USP47: variants seen among roughly 807,000 people sequenced by gnomAD.
The protein encoded by USP47 is ubiquitin specific peptidase 47.
USP47 carries 35 observed loss-of-function variants against 165.1 expected under a neutral mutation model. The ratio of observed to expected loss-of-function variants is 0.21; its 90% CI spans 0.16 to 0.28. USP47 has a LOEUF of 0.28. Ranked by LOEUF, USP47 falls within the 10% of genes least tolerant of loss-of-function variation. The pLI is 1.00. For synonymous variants in USP47, 531 were observed against 544.5 expected, an observed-to-expected ratio of 0.98 and a Z score of 0.35; for missense variants, 1,277 against 1,607.4, an observed-to-expected ratio of 0.79 and a Z score of 3.52.
At chr11:11,902,236 T>C (rs1852277237) in intron 5 of USP47, among the ~76,000 whole-genome samples, 3 of 152,338 alleles carry the variant, frequency 2.0e-5, no homozygotes, top group Non-Finnish European at 1.5e-5. Context: ...CTATTTAATT[T>C]GTTTATAATC....
intron 17 of USP47, among the ~76,000 whole-genome samples, chr11:11,936,942 T>G (rs564783796): frequency 6.6e-6 from 1 of 152,078 alleles, no homozygotes; most frequent in East Asian, 1.9e-4. Context: ...AGGTCTTCTT[T>G]GGAAGGGTGG....
chr11:11,893,754 C>T (rs1039987377), intron 4 of USP47, among the ~76,000 whole-genome samples: 2 of 152,118 alleles, frequency 1.3e-5, no homozygotes, highest in Admixed American at 1.3e-4. Context: ...CACTGTGTTG[C>T]CCAGGCTAGT....
chr11:11,907,203 A>G (rs936637223), intron 8 of USP47, among the ~76,000 whole-genome samples: 7 of 152,190 alleles, frequency 4.6e-5, no homozygotes, highest in Non-Finnish European at 1.0e-4. Context: ...GATGTGAACA[A>G]TATCACATTT....
At position 11,957,904 on chromosome 11, in the gene USP47, A is replaced by G. The variant is rs1349593717; in HGVS notation, c.*1729A>G. The stretch of plus-strand genomic sequence containing the variant: ...GGCTAATTTTTATTTGAAGAAAGCT[A>G]TAGCATTTAGCGAAATTTGACTGAA... On this transcript the variant is annotated 3_prime_UTR_variant, in exon 28 of 28. Coordinates refer to ENST00000527733, the MANE Select transcript of USP47 (RefSeq NM_001282659.2). 2.0e-5 allele frequency: 3 copies of G among 152,316 alleles called. No individual in the cohort carries two copies. The East Asian group carries it at 5.8e-4, about 29-fold the overall frequency. 9.4% of individuals were successfully genotyped at this position (152,316 alleles called of 1,614,324 possible). A position where few individuals can be genotyped will look rare whatever the true frequency, so the allele number is the denominator to read the frequency against.
chr11:11,891,993 G>C lies in USP47; in HGVS notation c.383G>C (p.Ser128Thr). 1 of 1,613,468 alleles carries C rather than the reference G, an allele frequency of 6.2e-7. No homozygotes were observed. The highest frequency in any genetic ancestry group is 8.5e-7 in the Non-Finnish European group (1 of 1,179,698). Residue 128 changes from serine to threonine, a missense_variant, in exon 4 of 28, where the codon AGT becomes ACT. By Grantham distance (58) the Ser-to-Thr change is moderately conservative (BLOSUM62 1). Transcript: ENST00000527733. ...GAGGATTCCAGTGCTGGGGAAGACA[G>C]TGTTCATGACAGGTTTATAGGTCCG... is the stretch of plus-strand genomic sequence containing the variant. ...LLEDSSAGEDSVHDRFIGPLP... is the reference protein window; with the variant it reads ...LLEDSSAGEDTVHDRFIGPLP...
In USP47 at chr11:11,933,034, A is replaced by G. The variant is rs1854787190; in HGVS notation, c.1682A>G (p.His561Arg). ...CTAGAAGTGGATGAATACCCAGAAC[A>G]TATTAAAAACTTGGTGCAGAAAGAG... ...KFLEVDEYPE[H>R]IKNLVQKERE... Residue 561 changes from histidine (H) to arginine (R), a missense_variant, in exon 15 of 28, where the codon CAT becomes CGT. Transcript: ENST00000527733. 4 of 1,613,326 alleles carry G rather than the reference A, an allele frequency of 2.5e-6. No homozygotes were observed. Among genetic ancestry groups the G allele is most frequent in the Non-Finnish European group, 3.4e-6 (4 of 1,179,558 alleles).
At chr11:11,905,146 T>C (rs1852475610) in intron 7 of USP47, among the ~76,000 whole-genome samples, 1 of 151,736 alleles carries the variant, frequency 6.6e-6, no homozygotes, top group Non-Finnish European at 1.5e-5. Flanking sequence ...GCACACTGAC[T>C]CAAATTAGTG....
In USP47 at chr11:11,948,254, G is replaced by T; in HGVS notation, c.3267+134G>T. 1 of 1,108,826 alleles carries T rather than the reference G, an allele frequency of 9.0e-7. No individual in the cohort carries two copies. The allele number at this position is 1,108,826 out of a possible 1,614,324, so 68.7% of individuals were successfully genotyped here. On this transcript the variant is annotated intron_variant, in intron 21 of 27. Transcript: ENST00000527733. ...TTTTTAATGATTAATGGTAATTTGG[G>T]GGGTTTTTTGTTGTTATTTTTCTTC...
rs1366685135 is a variant in USP47 at position 11,892,081 on chromosome 11, A to G, written c.471A>G (p.Ser157=). The change falls in exon 4 of 28, where the codon TCA becomes TCG. Residue 157 remains serine, a synonymous_variant. Transcript: ENST00000527733. Reference sequence around the variant, plus strand: ...ATGTCAGCCAAAGCTACTCCTACTCATCTATTTTGAATAAATCAGAAACTG... The same window carrying G: ...ATGTCAGCCAAAGCTACTCCTACTCGTCTATTTTGAATAAATCAGAAACTG... ...SDYVSQSYSY[S]SILNKSETGY... The G allele has an allele frequency of 5.0e-6, 8 of 1,613,470 alleles. No individual in the cohort carries two copies. Among genetic ancestry groups the G allele is most frequent in the East Asian group, 4.5e-5 (2 of 44,840 alleles).
rs2134921360 is a variant in USP47 at position 11,956,003 on chromosome 11, A to G, written c.3896A>G (p.Asp1299Gly). ...CDDGAVIFYR[D>G]KTEELMELTD... is the part of the protein sequence containing the mutation. ...TGTGATTAATATTTTATATGTAGGG[A>G]TAAAACAGAAGAATTAATGGAATTG... The change falls in exon 28 of 28, where the codon GAT (aspartate) becomes GGT (glycine). Residue 1299 changes from aspartate (D) to glycine (G), a missense_variant and splice_region_variant. Physicochemically the swap from Asp to Gly is moderately conservative, Grantham distance 94. Coordinates refer to ENST00000527733, the MANE Select transcript of USP47 (RefSeq NM_001282659.2). The G allele has an allele frequency of 6.4e-7, 1 of 1,558,256 alleles. No homozygotes were observed. The highest frequency in any genetic ancestry group is 8.6e-7 in the Non-Finnish European group (1 of 1,158,594).
intron 4 of USP47, among the ~76,000 whole-genome samples, chr11:11,895,377 G>C (rs1371189406): frequency 6.6e-6 from 1 of 152,050 alleles, no homozygotes; most frequent in Non-Finnish European, 1.5e-5. Context: ...CATCCAAGGT[G>C]GTTGTGTTCA....
intron 3 of USP47, among the ~76,000 whole-genome samples, chr11:11,886,623 A>T (rs1851180655): frequency 6.6e-6 from 1 of 152,188 alleles, no homozygotes; most frequent in Non-Finnish European, 1.5e-5. Flanking sequence ...ACTGATTGGG[A>T]TACCTGAAGG....
Position 11,956,489 on chromosome 11 carries a change from G to T in USP47, c.*314G>T, listed in dbSNP as rs1213316967. ...GAATGAGTAAACTTCTTTTATTGCGGACAAATGTGCACATAGCCGCTAGTA... is the reference window on the plus strand; with the variant it reads ...GAATGAGTAAACTTCTTTTATTGCGTACAAATGTGCACATAGCCGCTAGTA... On this transcript the variant is annotated 3_prime_UTR_variant, in exon 28 of 28. Transcript: ENST00000527733. The T allele has an allele frequency of 9.4e-6, 2 of 213,636 alleles. No individual in the cohort carries two copies. Among genetic ancestry groups the T allele is most frequent in the Non-Finnish European group, 1.9e-5 (2 of 107,176 alleles). The allele number at this position is 213,636 out of a possible 1,614,324, so 13.2% of individuals were successfully genotyped here.
chr11:11,854,218 A>T lies in USP47; in HGVS notation c.39+11994A>T, dbSNP rs1332484024. 3.4e-5 allele frequency among the ~76,000 whole-genome samples: 5 copies of T among 146,340 alleles called. 1 individual carries two copies. Among genetic ancestry groups the T allele is most frequent in the African/African-American group, 4.9e-5 (2 of 41,032 alleles). On this transcript the variant is annotated intron_variant, in intron 1 of 27. Coordinates refer to ENST00000527733, the MANE Select transcript of USP47 (RefSeq NM_001282659.2). ...CTTTCAACCTGATTGCATATTCTTA[A>T]TCCTAAAATCCTACAGCACCTTTGG...
rs76144738 is a variant in USP47 at position 11,889,306 on chromosome 11, C to T, written c.358-2662C>T. ...TGATCCTGTATCTAGAAAACCCCATCGTCTTATGATGTATTTTCATAAAAT... is the reference window on the plus strand; with the variant it reads ...TGATCCTGTATCTAGAAAACCCCATTGTCTTATGATGTATTTTCATAAAAT... On this transcript the variant is annotated intron_variant, in intron 3 of 27. Transcript: ENST00000527733. Among the ~76,000 whole-genome samples the T allele has an allele frequency of 8.9e-3, 1,354 of 152,070 alleles. 18 individuals are homozygous for T. Among genetic ancestry groups the T allele is most frequent in the South Asian group, 0.025 (122 of 4,810 alleles).
chr11:11,930,868 T>TG, intron 14 of USP47, 117 bp downstream of exon 14: 1 of 707,804 alleles, frequency 1.4e-6, no homozygotes, highest in South Asian at 2.2e-5. Context: ...GTTTTATGCC[T>TG]GGAAGAATTA....
chr11:11,926,780 G>A (rs1032624096), intron 11 of USP47, among the ~76,000 whole-genome samples: 5 of 145,336 alleles, frequency 3.4e-5, no homozygotes, highest in Non-Finnish European at 6.1e-5. Context: ...GTTCCTTGTG[G>A]TATAAAGTTA....
intron 8 of USP47, among the ~76,000 whole-genome samples, chr11:11,910,887 A>C (rs190112088): frequency 1.3e-5 from 2 of 152,176 alleles, no homozygotes; most frequent in African/African-American, 4.8e-5. Flanking sequence ...AGTTTGAGTT[A>C]AAAAAGAAAA....
chr11:11,855,130 A>C (rs1376019672), intron 1 of USP47, among the ~76,000 whole-genome samples: 12 of 152,080 alleles, frequency 7.9e-5, no homozygotes, highest in Admixed American at 7.9e-4. Flanking sequence ...ATTGGAACAC[A>C]TAACAAAGTG....
Sources: allele counts gnomAD v4.1 joint callset (sites outside exome capture counted in the v4.1 genomes callset), GRCh38; gene constraint gnomAD v4.1.1; transcripts MANE v1.5; gene names NCBI Gene and HGNC (gene_info 2026-07-23, HGNC 2026-07-21).